AUTS2: variants seen among roughly 807,000 people sequenced by gnomAD.
AUTS2 encodes the protein autism susceptibility gene 2 protein.
AUTS2 carries 17 observed loss-of-function variants against 112.4 expected under a neutral mutation model. That is an observed-to-expected ratio of 0.15 (90% CI 0.10 to 0.23). AUTS2 has a LOEUF of 0.23. Ranked by LOEUF, AUTS2 falls within the 10% of genes least tolerant of loss-of-function variation. The probability of loss-of-function intolerance (pLI) is 1.00; values close to 1 mark genes in which losing one functional copy is unlikely to be tolerated. For synonymous variants in AUTS2, 751 were observed against 702.7 expected, an observed-to-expected ratio of 1.07 and a Z score of -1.09; for missense variants, 1,510 against 1,701.6, an observed-to-expected ratio of 0.89 and a Z score of 1.98.
At chr7:69,669,845 T>C (rs534089348) in intron 1 of AUTS2, among the ~76,000 whole-genome samples, 1 of 152,316 alleles carries the variant, frequency 6.6e-6, no homozygotes, top group Admixed American at 6.5e-5. Context: ...TATTCACTTA[T>C]TGAACTCATT....
chr7:70,593,714 G>A (rs1282193586), intron 5 of AUTS2, among the ~76,000 whole-genome samples: 1 of 152,246 alleles, frequency 6.6e-6, no homozygotes, highest in Non-Finnish European at 1.5e-5. Context: ...GGAAAGCGAG[G>A]AACTATTCTT....
At chr7:70,108,010 CAA>C (rs1206864743) in intron 2 of AUTS2, among the ~76,000 whole-genome samples, 9 of 107,606 alleles carry the variant, frequency 8.4e-5, no homozygotes, top group Non-Finnish European at 1.0e-4. Context: ...GACTCTGTCT[CAA>C]AAAAAAAAAA....
chr7:70,164,990 C>T (rs926751385), intron 4 of AUTS2, among the ~76,000 whole-genome samples: 1 of 151,884 alleles, frequency 6.6e-6, no homozygotes, highest in Non-Finnish European at 1.5e-5. Flanking sequence ...ATACATAAAT[C>T]GTGATGTGGA....
At chr7:70,498,253 A>ATG (rs1286685344) in intron 5 of AUTS2, among the ~76,000 whole-genome samples, 1 of 152,110 alleles carries the variant, frequency 6.6e-6, no homozygotes, top group Non-Finnish European at 1.5e-5. Context: ...TACTCATTGC[A>ATG]TGTGTGTGTG....
At chr7:70,255,377 A>G (rs1341659396) in intron 4 of AUTS2, among the ~76,000 whole-genome samples, 1 of 152,078 alleles carries the variant, frequency 6.6e-6, no homozygotes, top group Non-Finnish European at 1.5e-5. Flanking sequence ...CAGCCACGAA[A>G]TTACCTTTAA....
At chr7:70,611,481 C>G (rs1324424710) in intron 5 of AUTS2, among the ~76,000 whole-genome samples, 2 of 152,194 alleles carry the variant, frequency 1.3e-5, no homozygotes, top group African/African-American at 4.8e-5. Context: ...CATGCCAGCC[C>G]TAGGCTGCCT....
In AUTS2 at chr7:70,162,445, C is replaced by CAAAA. The variant is rs57688959; in HGVS notation, c.660+27906_660+27909dup. On this transcript the variant is annotated intron_variant, in intron 4 of 18. Coordinates refer to ENST00000342771, the MANE Select transcript of AUTS2 (RefSeq NM_015570.4). ...TGGGCGACAGAGCGAGACTCCGTCT[C>CAAAA]AAAAAAAAAAAAAAAAAAAAAAAAA... 1.4e-3 allele frequency among the ~76,000 whole-genome samples: 82 copies of CAAAA among 56,706 alleles called. 2 individuals are homozygous for CAAAA. Among genetic ancestry groups the CAAAA allele is most frequent in the African/African-American group, 3.8e-3 (54 of 14,272 alleles). The allele number at this position is 56,706 out of a possible 152,430, so 37.2% of individuals were successfully genotyped here. A position where few individuals can be genotyped will look rare whatever the true frequency, so the allele number is the denominator to read the frequency against.
At chr7:70,568,693 T>A (rs1801809311) in intron 5 of AUTS2, among the ~76,000 whole-genome samples, 1 of 152,158 alleles carries the variant, frequency 6.6e-6, no homozygotes. Context: ...GAGGGCTTGG[T>A]TATCATGCAC....
intron 1 of AUTS2, among the ~76,000 whole-genome samples, chr7:69,623,964 A>G (rs975084584): frequency 1.3e-5 from 2 of 152,234 alleles, no homozygotes. Context: ...TTGATGAAAC[A>G]ATATAATAAG....
At chr7:70,490,689 G>A (rs1475933452) in intron 5 of AUTS2, among the ~76,000 whole-genome samples, 2 of 152,078 alleles carry the variant, frequency 1.3e-5, no homozygotes, top group Non-Finnish European at 2.9e-5. Context: ...GTTGAGCATT[G>A]GCCAGTAAGT....
At chr7:70,153,821 C>A (rs1807589229) in intron 4 of AUTS2, among the ~76,000 whole-genome samples, 1 of 152,134 alleles carries the variant, frequency 6.6e-6, no homozygotes. Context: ...TTCAAAAATT[C>A]ATGATTGGGC....
At chr7:70,507,752 G>A (rs529538852) in intron 5 of AUTS2, among the ~76,000 whole-genome samples, 52 of 152,182 alleles carry the variant, frequency 3.4e-4, no homozygotes, top group African/African-American at 9.2e-4. Flanking sequence ...AGCCAAGATC[G>A]CACCATTGTA....
rs138688403 is a variant in AUTS2 at position 70,386,616 on chromosome 7, G to A, written c.661-49136G>A. Among the ~76,000 whole-genome samples the A allele has an allele frequency of 4.7e-4, 72 of 152,248 alleles. No homozygotes were observed. In the East Asian group the frequency reaches 0.014, roughly 29 times the overall value. On this transcript the variant is annotated intron_variant, in intron 4 of 18. Coordinates refer to ENST00000342771, the MANE Select transcript of AUTS2 (RefSeq NM_015570.4). Reference sequence around the variant, plus strand: ...CTGAAATATCCTAAAGTGACTGAACGTAAGTCCAGTTATATCTGCAAGTGT... The same window carrying A: ...CTGAAATATCCTAAAGTGACTGAACATAAGTCCAGTTATATCTGCAAGTGT...
chr7:69,864,720 A>G (rs1793141650), intron 1 of AUTS2, among the ~76,000 whole-genome samples: 1 of 152,178 alleles, frequency 6.6e-6, no homozygotes, highest in African/African-American at 2.4e-5. Flanking sequence ...ATCGGATAAC[A>G]GAAGCATTAA....
At position 70,790,821 on chromosome 7, in the gene AUTS2, G is replaced by T. The variant is rs1186794209; in HGVS notation, c.3605G>T (p.Gly1202Val). 3 of 1,606,104 alleles carry T rather than the reference G, an allele frequency of 1.9e-6. No homozygotes were observed. In the African/African-American group the frequency reaches 4.0e-5, roughly 21 times the overall value. The change falls in exon 19 of 19, where the codon GGC becomes GTC. Residue 1202 changes from glycine (G) to valine (V), a missense_variant. By Grantham distance (109) the Gly-to-Val change is moderately radical (BLOSUM62 -3). Around this residue, in one of 3 missense-constraint regions of AUTS2, gnomAD observed 788 missense variants for 797.6 expected, o/e 0.99. Coordinates refer to ENST00000342771, the MANE Select transcript of AUTS2 (RefSeq NM_015570.4). This position sits in a 1 kb window ranked among gnomAD's most constrained non-coding sequence, Gnocchi z 7.6. ...MHYPRISPTA[G>V]NQNGLLNKTP... ...TATCCCCGCATCAGCCCCACCGCGG[G>T]CAACCAGAACGGACTCCTCAACAAG... is the stretch of plus-strand genomic sequence containing the variant.
At chr7:70,753,892 C>T (rs1043229240) in intron 6 of AUTS2, among the ~76,000 whole-genome samples, 3 of 152,002 alleles carry the variant, frequency 2.0e-5, no homozygotes, top group East Asian at 3.8e-4. Context: ...CGTGGTGGCT[C>T]ACGCCTGTAA....
At chr7:69,856,273 C>T (rs1325947339) in intron 1 of AUTS2, among the ~76,000 whole-genome samples, 1 of 152,118 alleles carries the variant, frequency 6.6e-6, no homozygotes, top group Non-Finnish European at 1.5e-5. Context: ...GGACTCCTTC[C>T]TTCAGCCTGG....
intron 4 of AUTS2, among the ~76,000 whole-genome samples, chr7:70,279,403 C>T (rs1005657966): frequency 3.9e-5 from 6 of 152,142 alleles, no homozygotes; most frequent in African/African-American, 1.4e-4. Context: ...GATGCAGAAC[C>T]CGAACGAGGC....
chr7:70,772,276 A>G lies in AUTS2; in HGVS notation c.1830+632A>G, dbSNP rs533103846. ...CTTTGTCATCAGTTACTAACATCCT[A>G]GTGTGAAATTAACCTTTCATCCTTT... On this transcript the variant is annotated intron_variant, in intron 11 of 18. Coordinates refer to ENST00000342771, the MANE Select transcript of AUTS2 (RefSeq NM_015570.4). Among the ~76,000 whole-genome samples the G allele has an allele frequency of 5.6e-4, 86 of 152,318 alleles. 1 individual carries two copies. The highest frequency in any genetic ancestry group is 2.0e-3 in the African/African-American group (84 of 41,570).
Sources: gnomAD v4.1 joint callset for allele counts (sites outside exome capture counted in the v4.1 genomes callset) on GRCh38, gnomAD v4.1.1 for gene constraint, gnomAD v4.1.1 regional missense constraint, Gnocchi (gnomAD v3.1) non-coding constraint, MANE v1.5 for transcripts, NCBI Gene and HGNC (gene_info 2026-07-23, HGNC 2026-07-21) for gene names.